MPV17: variants seen among roughly 807,000 people sequenced by gnomAD.
The protein encoded by MPV17 is MPV17, mitochondrial inner membrane protein.
MPV17 carries 31 observed loss-of-function variants against 28.6 expected under a neutral mutation model. That is an observed-to-expected ratio of 1.08 (90% CI 0.81 to 1.46). The LOEUF is 1.46. Among genes scored for constraint, MPV17 ranks in the 40% most tolerant of loss-of-function variants. MPV17 has a pLI of 0.00. For missense variants in MPV17, 198 were observed against 216.2 expected (o/e 0.92, Z 0.53); for synonymous variants, 87 against 85.3 (o/e 1.02, Z -0.11).
At chr2:27,311,506 A>G in intron 7 of MPV17, 1 of 1,240,486 alleles carries the variant, frequency 8.1e-7, no homozygotes, top group Admixed American at 2.3e-5. Context: ...TTTTGGGTGC[A>G]GTTCAGCAAC....
Position 27,313,096 on chromosome 2 carries a change from G to T in MPV17, c.84C>A (p.Gly28=). 2 of 1,614,166 alleles carry T rather than the reference G, an allele frequency of 1.2e-6. No individual in the cohort carries two copies. Among genetic ancestry groups the T allele is most frequent in the Non-Finnish European group, 1.7e-6 (2 of 1,180,038 alleles). ...VQVLTAGSLM[G]LGDIISQQLV... ...GCTGCTGTGAGATAATGTCACCCAG[G>T]CCCATCAGGGACCCTATGCAGGGTA... is the stretch of plus-strand genomic sequence containing the variant. The change falls in exon 3 of 8, where the codon GGC becomes GGA. Residue 28 remains glycine, a synonymous_variant. Coordinates refer to ENST00000380044, the MANE Select transcript of MPV17 (RefSeq NM_002437.5).
rs1679894307 is a variant in MPV17 at position 27,322,433 on chromosome 2, T to C, written c.70+15A>G. ...GTCTGCCCTGGTCCCACTCAAGTCCTAGAGGGACACTCACCAGCTGTCAGG... is the reference window on the plus strand; with the variant it reads ...GTCTGCCCTGGTCCCACTCAAGTCCCAGAGGGACACTCACCAGCTGTCAGG... On this transcript the variant is annotated intron_variant, in intron 2 of 7. Coordinates refer to ENST00000380044, the MANE Select transcript of MPV17 (RefSeq NM_002437.5). 3 of 1,611,364 alleles carry C rather than the reference T, an allele frequency of 1.9e-6. No homozygotes were observed. The South Asian group carries it at 3.3e-5, about 18-fold the overall frequency.
chr2:27,315,840 G>T, intron 2 of MPV17: 1 of 1,264,642 alleles, frequency 7.9e-7, no homozygotes, highest in Non-Finnish European at 1.0e-6. Flanking sequence ...GGGATTATAG[G>T]TGTGAGCCAC....
chr2:27,316,045 G>T, intron 2 of MPV17: 3 of 1,549,512 alleles, frequency 1.9e-6, no homozygotes, highest in Non-Finnish European at 2.6e-6. Flanking sequence ...CCTGCTGGGT[G>T]TTCCTGCCCA....
chr2:27,321,849 A>T (rs1225597331), intron 2 of MPV17: 1 of 155,540 alleles, frequency 6.4e-6, no homozygotes, highest in African/African-American at 2.4e-5. Context: ...CAAATGAACG[A>T]TATAAACAAA....
At chr2:27,311,220 T>G (rs950270938) in intron 7 of MPV17, 1 of 195,844 alleles carries the variant, frequency 5.1e-6, no homozygotes, top group African/African-American at 2.4e-5. Context: ...ACCATGTGAC[T>G]GGCTAATTTT....
intron 2 of MPV17, among the ~76,000 whole-genome samples, chr2:27,318,974 A>C (rs1230684020): frequency 6.6e-6 from 1 of 152,040 alleles, no homozygotes; most frequent in Non-Finnish European, 1.5e-5. Flanking sequence ...CATGTTGGCC[A>C]GGCTGGTCTC....
At chr2:27,316,887 G>T in intron 2 of MPV17, 1 of 542,764 alleles carries the variant, frequency 1.8e-6, no homozygotes, top group Non-Finnish European at 3.2e-6. Context: ...TCATGCCCCT[G>T]GGTAGGTGCC....
chr2:27,316,186 C>T, intron 2 of MPV17: 2 of 1,551,140 alleles, frequency 1.3e-6, no homozygotes, highest in Non-Finnish European at 1.7e-6. Context: ...CAGCAATATT[C>T]CTGGGAAAGA....
intron 2 of MPV17, among the ~76,000 whole-genome samples, chr2:27,315,083 G>A (rs1362812539): frequency 1.3e-5 from 2 of 152,350 alleles, no homozygotes; most frequent in East Asian, 3.9e-4. Context: ...TGCGAGGCAT[G>A]ACCTCCCAGG....
intron 2 of MPV17, among the ~76,000 whole-genome samples, chr2:27,318,191 C>A (rs1183996811): frequency 6.6e-6 from 1 of 151,218 alleles, no homozygotes; most frequent in Non-Finnish European, 1.5e-5. Flanking sequence ...GTCTCCGCCT[C>A]CCAAGTAGCT....
Position 27,313,023 on chromosome 2 carries a change from T to C in MPV17, c.157A>G (p.Thr53Ala). 6.2e-7 allele frequency: 1 copy of C among 1,614,150 alleles called. No individual in the cohort carries two copies. Among genetic ancestry groups the C allele is most frequent in the South Asian group, 1.1e-5 (1 of 91,082 alleles). The change falls in exon 3 of 8, where the codon ACC becomes GCC. Residue 53 changes from threonine (T) to alanine (A), a missense_variant. By Grantham distance (58) the Thr-to-Ala change is moderately conservative. Coordinates refer to ENST00000380044, the MANE Select transcript of MPV17 (RefSeq NM_002437.5). ...LQEHQRGRTL[T>A]MVSLGCGFVG... The stretch of plus-strand genomic sequence containing the variant: ...AAGCCACAGCCCAGGGACACCATGG[T>C]CAGAGTCCGGCCTCTCTGGTGTTCC...
chr2:27,312,288 A>C, intron 5 of MPV17, 42 bp from the exon 6 acceptor site: 1 of 1,606,758 alleles, frequency 6.2e-7, no homozygotes, highest in South Asian at 1.1e-5. Context: ...TTGCGCCTCC[A>C]AGCAGCTCCC....
rs1437196465 is a variant in MPV17, at chr2:27,317,531, CACTG to C, written c.71-4426_71-4423del. Among the ~76,000 whole-genome samples the C allele has an allele frequency of 1.3e-5, 2 of 152,246 alleles. No individual in the cohort carries two copies. The highest frequency in any genetic ancestry group is 2.9e-5 in the Non-Finnish European group (2 of 68,044). On this transcript the variant is annotated intron_variant, in intron 2 of 7. Transcript: ENST00000380044. The surrounding 1 kb of genome is among the most constrained non-coding windows in gnomAD (Gnocchi z 4.0). ...CCCTAGGTTATAACGCCAGCTCAGC[CACTG>C]ACTATCTGAGACCTCAGTGCATGAC...
At chr2:27,320,368 C>G (rs1679813105) in intron 2 of MPV17, among the ~76,000 whole-genome samples, 2 of 150,572 alleles carry the variant, frequency 1.3e-5, no homozygotes, top group Admixed American at 1.3e-4. Context: ...TGGAGTTTCG[C>G]TCTTGTTGCC....
intron 2 of MPV17, chr2:27,313,345 A>T: frequency 1.2e-6 from 1 of 862,458 alleles, no homozygotes; most frequent in Non-Finnish European, 1.8e-6. Flanking sequence ...AGGTCCAGGA[A>T]CTTTGCATTG....
rs367838807 is a variant in MPV17 at position 27,322,498 on chromosome 2, T to C, written c.20A>G (p.Tyr7Cys). 51 of 1,613,934 alleles carry C rather than the reference T, an allele frequency of 3.2e-5. No individual in the cohort carries two copies. Among genetic ancestry groups the C allele is most frequent in the Non-Finnish European group, 4.1e-5 (48 of 1,180,036 alleles). The change falls in exon 2 of 8, where the codon TAC (tyrosine) becomes TGC (cysteine). Residue 7 changes from tyrosine (Y) to cysteine (C), a missense_variant. Tyr to Cys is a radical substitution (Grantham distance 194). Coordinates refer to ENST00000380044, the MANE Select transcript of MPV17 (RefSeq NM_002437.5). The part of the protein sequence containing the change: MALWRA[Y>C]QRALAAHPWK... ...CGGGTGAGCGGCCAGGGCCCGCTGG[T>C]ATGCCCGCCAGAGTGCCATGCTTCC...
chr2:27,317,127 G>C lies in MPV17; in HGVS notation c.71-4018C>G. On this transcript the variant is annotated intron_variant, in intron 2 of 7. Transcript: ENST00000380044. This position sits in a 1 kb window ranked among gnomAD's most constrained non-coding sequence, Gnocchi z 4.0. ...GCAGAAGGCAGAGGGGCAAGAAGTGGCTTCTTGGAGTGAGGAGCAGGAAGC... is the reference window on the plus strand; with the variant it reads ...GCAGAAGGCAGAGGGGCAAGAAGTGCCTTCTTGGAGTGAGGAGCAGGAAGC... The C allele has an allele frequency of 6.5e-7, 1 of 1,550,120 alleles. No individual in the cohort carries two copies. Among genetic ancestry groups the C allele is most frequent in the Non-Finnish European group, 8.7e-7 (1 of 1,146,872 alleles).
At chr2:27,311,644 G>A in intron 7 of MPV17, 1 of 1,550,716 alleles carries the variant, frequency 6.4e-7, no homozygotes. Flanking sequence ...GCTCAGGTGG[G>A]ATGGAGACAA....
Sources: allele counts gnomAD v4.1 joint callset (sites outside exome capture counted in the v4.1 genomes callset), GRCh38; gene constraint gnomAD v4.1.1; non-coding constraint Gnocchi (gnomAD v3.1); transcripts MANE v1.5; gene names NCBI Gene and HGNC (gene_info 2026-07-23, HGNC 2026-07-21).